The following UNC13C variants were observed in gnomAD, a reference collection of about 807,000 sequenced individuals.
UNC13C encodes unc-13 homolog C.
UNC13C carries 174 observed loss-of-function variants against 245.4 expected under a neutral mutation model. The observed-to-expected ratio is 0.71, with a 90% confidence interval of 0.63 to 0.80. The LOEUF is 0.80. Ranked by LOEUF, UNC13C falls within the 30% of genes least tolerant of loss-of-function variation. The pLI is 0.00. For missense variants in UNC13C, 2,829 were observed against 2,602.9 expected (o/e 1.09, Z -1.89); for synonymous variants, 992 against 895.1 (o/e 1.11, Z -1.93).
At chr15:54,102,320 T>C (rs1041879781) in intron 2 of UNC13C, among the ~76,000 whole-genome samples, 2 of 152,118 alleles carry the variant, frequency 1.3e-5, no homozygotes, top group East Asian at 3.9e-4. Context: ...TAAAGTATTT[T>C]TATTAAAATT....
At chr15:54,243,409 A>G (rs2035911344) in intron 7 of UNC13C, among the ~76,000 whole-genome samples, 3 of 152,054 alleles carry the variant, frequency 2.0e-5, no homozygotes, top group South Asian at 4.1e-4. Context: ...GGTTGATTCC[A>G]TGTCTTTACT....
the UNC13C span, among the ~76,000 whole-genome samples, chr15:53,954,371 G>A: frequency 6.6e-6 from 1 of 152,112 alleles, no homozygotes; most frequent in Non-Finnish European, 1.5e-5. Context: ...GATAGATGCT[G>A]GGCATAATTA....
chr15:54,023,238 G>C (rs188132701), intron 2 of UNC13C, among the ~76,000 whole-genome samples: 1 of 152,328 alleles, frequency 6.6e-6, no homozygotes, highest in Admixed American at 6.5e-5. Flanking sequence ...AGCGAATTAA[G>C]GGTGTTGGTT....
At chr15:54,405,168 C>G (rs969888579) in intron 18 of UNC13C, among the ~76,000 whole-genome samples, 1 of 152,130 alleles carries the variant, frequency 6.6e-6, no homozygotes, top group South Asian at 2.1e-4. Flanking sequence ...GCCCTAGAAA[C>G]AGTCCCAAGT....
rs569946303 is a variant in UNC13C at position 54,136,284 on chromosome 15, T to C, written c.2984-6734T>C. On this transcript the variant is annotated intron_variant, in intron 2 of 32. Transcript: ENST00000260323. ...TCCTGAGTAGCTGGGGCTATAGGCA[T>C]GTGCCACCATGCCCTGCAAATTTTT... Among the ~76,000 whole-genome samples the C allele has an allele frequency of 3.0e-4, 46 of 152,272 alleles. No homozygotes were observed. In the South Asian group the frequency reaches 9.1e-3, roughly 30 times the overall value.
chr15:54,454,522 G>T (rs912620715), intron 19 of UNC13C, among the ~76,000 whole-genome samples: 1 of 150,764 alleles, frequency 6.6e-6, no homozygotes, highest in East Asian at 2.0e-4. Context: ...AGGTTGCAGT[G>T]AGCTGAGATC....
the UNC13C span, among the ~76,000 whole-genome samples, chr15:53,847,352 T>C: frequency 6.6e-6 from 1 of 151,658 alleles, no homozygotes. Flanking sequence ...GGCATTTCAT[T>C]AGCTATTTTT....
At chr15:54,586,318 G>T (rs1359779258) in intron 30 of UNC13C, among the ~76,000 whole-genome samples, 2 of 152,202 alleles carry the variant, frequency 1.3e-5, no homozygotes, top group Admixed American at 6.5e-5. Flanking sequence ...TTAAACAAGA[G>T]ATATTTATTC....
At chr15:54,200,353 T>G (rs2034484144) in intron 4 of UNC13C, among the ~76,000 whole-genome samples, 1 of 151,980 alleles carries the variant, frequency 6.6e-6, no homozygotes, top group African/African-American at 2.4e-5. Flanking sequence ...TTGCAGAACT[T>G]TCTACCTAAC....
At chr15:54,197,943 C>T (rs2034408404) in intron 4 of UNC13C, among the ~76,000 whole-genome samples, 1 of 152,054 alleles carries the variant, frequency 6.6e-6, no homozygotes, top group South Asian at 2.1e-4. Context: ...GCCCTGGTCA[C>T]CAGCTGCCTG....
In UNC13C at chr15:54,540,887, A is replaced by G. The variant is rs16974751; in HGVS notation, c.5697-5835A>G. The stretch of plus-strand genomic sequence containing the variant: ...AATTCTTAGACTTGGATCTTTGGAA[A>G]GTGGAAATTGTACATCTGCAGCAAA... On this transcript the variant is annotated intron_variant, in intron 26 of 32. Transcript: ENST00000260323. Among the ~76,000 whole-genome samples, 1,160 of 152,202 alleles carry G rather than the reference A, an allele frequency of 7.6e-3. 19 individuals carry two copies. Among genetic ancestry groups the G allele is most frequent in the African/African-American group, 0.027 (1,107 of 41,548 alleles).
chr15:53,948,748 A>T, the UNC13C span: 3 of 152,090 alleles, frequency 2.0e-5, no homozygotes, highest in African/African-American at 4.8e-5. Context: ...GATGTGTAGG[A>T]ATTAGCCAGG....
downstream of UNC13C, chr15:54,631,071 A>C (rs764832669): frequency 2.0e-5 from 3 of 152,200 alleles, no homozygotes; most frequent in Non-Finnish European, 4.4e-5. Context: ...TTGGCTAGGC[A>C]CAGTGGCTCA....
rs1566948167 is a variant in UNC13C at position 54,627,091 on chromosome 15, G to A, written c.6623G>A (p.Arg2208Lys). The change falls in exon 33 of 33, where the codon AGA becomes AAA. Residue 2208 changes from arginine to lysine, a missense_variant. By Grantham distance (26) the Arg-to-Lys change is conservative. Transcript: ENST00000260323. ...TTTGTAAGACTTAAATCTGAAACAA[G>A]ATCTACTGAAGAGAGTGCTTGAAAC... ...KEFVRLKSETRSTEESA is the reference protein window; with the variant it reads ...KEFVRLKSETKSTEESA The A allele has an allele frequency of 2.5e-6, 4 of 1,612,174 alleles. No homozygotes were observed. The highest frequency in any genetic ancestry group is 1.7e-5 in the Admixed American group (1 of 59,792).
chr15:54,213,201 T>A (rs1231533635), intron 4 of UNC13C, among the ~76,000 whole-genome samples: 2 of 152,030 alleles, frequency 1.3e-5, no homozygotes, highest in Non-Finnish European at 2.9e-5. Flanking sequence ...TATTGAAGCA[T>A]TAGGTTATAC....
intron 4 of UNC13C, among the ~76,000 whole-genome samples, chr15:54,149,089 T>G (rs978466487): frequency 6.6e-6 from 1 of 152,090 alleles, no homozygotes; most frequent in Admixed American, 6.6e-5. Context: ...TAAAAGTGTT[T>G]GGCAATTCCC....
the UNC13C span, among the ~76,000 whole-genome samples, chr15:53,893,874 C>G: frequency 6.6e-6 from 1 of 152,220 alleles, no homozygotes; most frequent in Non-Finnish European, 1.5e-5. Flanking sequence ...TTCCGTCTCG[C>G]TGACATTCGA....
chr15:54,453,752 A>T (rs1206669579), intron 19 of UNC13C, among the ~76,000 whole-genome samples: 1 of 152,248 alleles, frequency 6.6e-6, no homozygotes, highest in East Asian at 1.9e-4. Flanking sequence ...TTCTCAGTTA[A>T]GCACACTTTT....
chr15:54,065,306 C>T (rs1898026000), intron 2 of UNC13C, among the ~76,000 whole-genome samples: 2 of 152,158 alleles, frequency 1.3e-5, no homozygotes, highest in Admixed American at 1.3e-4. Context: ...GCCTTAGTTT[C>T]CCTAAGTTCC....
Sources: allele counts gnomAD v4.1 joint callset (sites outside exome capture counted in the v4.1 genomes callset), GRCh38; gene constraint gnomAD v4.1.1; transcripts MANE v1.5; gene names NCBI Gene and HGNC (gene_info 2026-07-23, HGNC 2026-07-21).